Variants in HSPA12A observed in about 807,000 individuals in gnomAD.
The protein encoded by HSPA12A is heat shock protein family A (Hsp70) member 12A, also known as heat shock 70 kDa protein 12A.
Under a neutral mutation model 69.2 loss-of-function variants are expected in HSPA12A, and 28 were observed. The ratio of observed to expected loss-of-function variants is 0.40; its 90% CI spans 0.30 to 0.55. The LOEUF is 0.55. Among genes scored for constraint, HSPA12A ranks in the 20% least tolerant of loss-of-function variants. The pLI is 0.38. For missense variants in HSPA12A, 686 were observed against 900.7 expected, an observed-to-expected ratio of 0.76 and a Z score of 3.05; for synonymous variants, 345 against 370.5, an observed-to-expected ratio of 0.93 and a Z score of 0.79.
Position 116,742,430 on chromosome 10 carries a change from C to T in HSPA12A, c.40G>A (p.Glu14Lys), listed in dbSNP as rs1554887321. The change falls in exon 1 of 12, where the codon GAA becomes AAA. Residue 14 changes from glutamate to lysine, a missense_variant and splice_region_variant. By Grantham distance (56) the Glu-to-Lys change is moderately conservative. Coordinates refer to ENST00000369209, the MANE Select transcript of HSPA12A (RefSeq NM_025015.3). ...KEAGGSDGPR[E>K]TAPTSAYSSP... is the part of the protein sequence containing the mutation. ...CGCAGGACCCGCAGCCTGCGCTCACCTCGGGGCCCGTCGCTGCCGCCGGCC... is the reference window on the plus strand; with the variant it reads ...CGCAGGACCCGCAGCCTGCGCTCACTTCGGGGCCCGTCGCTGCCGCCGGCC... 1 of 1,420,070 alleles carries T rather than the reference C, an allele frequency of 7.0e-7. No individual in the cohort carries two copies. The highest frequency in any genetic ancestry group is 1.5e-5 in the African/African-American group (1 of 66,634). The allele number at this position is 1,420,070 out of a possible 1,614,324, so 88.0% of individuals were successfully genotyped here.
At chr10:116,765,756 G>A (rs1204762066) in intron 2 of HSPA12A, among the ~76,000 whole-genome samples, 1 of 152,142 alleles carries the variant, frequency 6.6e-6, no homozygotes, top group Non-Finnish European at 1.5e-5. Flanking sequence ...GGGTGGTGAT[G>A]GCGCCCCCTA....
At chr10:116,773,667 C>T (rs1285074046) in intron 2 of HSPA12A, among the ~76,000 whole-genome samples, 6 of 152,222 alleles carry the variant, frequency 3.9e-5, no homozygotes, top group Admixed American at 3.9e-4. Context: ...TTGTCAACTG[C>T]AGCCTGAGAA....
chr10:116,810,034 A>C (rs572730368), intron 2 of HSPA12A, among the ~76,000 whole-genome samples: 1 of 152,270 alleles, frequency 6.6e-6, no homozygotes. Context: ...ACCGAAGGAG[A>C]ACTGAAGAAT....
chr10:116,718,935 TCGACA>T (rs1220322626), intron 1 of HSPA12A, among the ~76,000 whole-genome samples: 7 of 151,970 alleles, frequency 4.6e-5, no homozygotes, highest in African/African-American at 1.4e-4. Flanking sequence ...AATTTATGAA[TCGACA>T]CGAGATTCAC....
chr10:116,683,084 C>A (rs1042852814), intron 7 of HSPA12A, among the ~76,000 whole-genome samples: 10 of 151,732 alleles, frequency 6.6e-5, no homozygotes, highest in African/African-American at 2.4e-4. Context: ...CAGTGCCCGG[C>A]GCCACCCCCA....
At chr10:116,818,065 G>T (rs1589724029) in intron 2 of HSPA12A, among the ~76,000 whole-genome samples, 1 of 152,194 alleles carries the variant, frequency 6.6e-6, no homozygotes, top group East Asian at 1.9e-4. Context: ...TCAGCCTCCT[G>T]TCTGGCTTCC....
chr10:116,676,722 G>T (rs1020880243), intron 10 of HSPA12A, among the ~76,000 whole-genome samples: 2 of 152,174 alleles, frequency 1.3e-5, no homozygotes, highest in African/African-American at 4.8e-5. Flanking sequence ...TCTTAAGTTT[G>T]GCTGTGACCG....
intron 1 of HSPA12A, among the ~76,000 whole-genome samples, chr10:116,724,103 G>A (rs150058348): frequency 3.7e-4 from 56 of 152,270 alleles, no homozygotes; most frequent in Middle Eastern, 6.8e-3. Context: ...AGCCTATCTT[G>A]CTTCCTGGCT....
At chr10:116,726,017 A>ACACG (rs1386034190) in intron 1 of HSPA12A, among the ~76,000 whole-genome samples, 3 of 58,740 alleles carry the variant, frequency 5.1e-5, no homozygotes, top group Non-Finnish European at 1.0e-4. Context: ...GTTTAGACAC[A>ACACG]CACACACACG....
intron 2 of HSPA12A, among the ~76,000 whole-genome samples, chr10:116,806,893 T>C (rs1845080028): frequency 1.3e-5 from 2 of 152,196 alleles, no homozygotes; most frequent in African/African-American, 2.4e-5. Context: ...TAATTAAGGA[T>C]TTGGAGATGA....
intron 1 of HSPA12A, among the ~76,000 whole-genome samples, chr10:116,714,931 C>T (rs571733149): frequency 1.3e-5 from 2 of 152,300 alleles, no homozygotes; most frequent in South Asian, 2.1e-4. Flanking sequence ...AAAAGTCAGC[C>T]TCCTCTTTTA....
intron 2 of HSPA12A, chr10:116,751,159 T>C: frequency 4.6e-6 from 1 of 218,186 alleles, no homozygotes; most frequent in Non-Finnish European, 9.9e-6. Context: ...TAGTAGTGGG[T>C]GACAATGGCA....
intron 2 of HSPA12A, among the ~76,000 whole-genome samples, chr10:116,826,344 G>C (rs1845504495): frequency 6.6e-6 from 1 of 152,162 alleles, no homozygotes; most frequent in Non-Finnish European, 1.5e-5. Flanking sequence ...TCACTCACCA[G>C]AACTTATCAA....
At chr10:116,682,457 G>GC (rs1409590868) in intron 7 of HSPA12A, among the ~76,000 whole-genome samples, 67 of 141,000 alleles carry the variant, frequency 4.8e-4, no homozygotes, top group Admixed American at 3.5e-3. Context: ...AAATAGACTG[G>GC]GGGGGGGGGC....
At chr10:116,703,298 G>A (rs1850133973) in intron 3 of HSPA12A, among the ~76,000 whole-genome samples, 1 of 152,188 alleles carries the variant, frequency 6.6e-6, no homozygotes, top group Non-Finnish European at 1.5e-5. Context: ...GGAAAGGTGA[G>A]ACTTAAACCA....
intron 2 of HSPA12A, among the ~76,000 whole-genome samples, chr10:116,753,239 G>C (rs1466947078): frequency 6.6e-6 from 1 of 151,968 alleles, no homozygotes; most frequent in African/African-American, 2.4e-5. Flanking sequence ...AGGATGGTCA[G>C]GGCAAGGCCT....
At chr10:116,698,360 T>G in intron 5 of HSPA12A, 1 of 325,174 alleles carries the variant, frequency 3.1e-6, no homozygotes, top group Non-Finnish European at 5.6e-6. Flanking sequence ...TTTCTTTCAT[T>G]TCTCCACCCA....
chr10:116,756,148 G>A (rs544248838), intron 2 of HSPA12A, among the ~76,000 whole-genome samples: 13 of 152,286 alleles, frequency 8.5e-5, no homozygotes, highest in Non-Finnish European at 1.9e-4. Flanking sequence ...GCCATTTCCA[G>A]GTTTCCCTTA....
At chr10:116,781,193 G>C (rs1564817699) in intron 2 of HSPA12A, among the ~76,000 whole-genome samples, 1 of 152,128 alleles carries the variant, frequency 6.6e-6, no homozygotes, top group Non-Finnish European at 1.5e-5. Flanking sequence ...CCAGCTACTT[G>C]GGAGGTTGAG....
Sources: gnomAD v4.1 joint callset for allele counts (sites outside exome capture counted in the v4.1 genomes callset) on GRCh38, gnomAD v4.1.1 for gene constraint, MANE v1.5 for transcripts, NCBI Gene and HGNC (gene_info 2026-07-23, HGNC 2026-07-21) for gene names.